BBS9: variants seen among roughly 807,000 people sequenced by gnomAD.
BBS9 encodes Bardet-Biedl syndrome 9.
In BBS9, 89 loss-of-function variants were observed where a neutral mutation model predicts 117.7. That is an observed-to-expected ratio of 0.76 (90% CI 0.64 to 0.90). BBS9 has a LOEUF of 0.90. Among genes scored for constraint, BBS9 ranks in the 40% least tolerant of loss-of-function variants. The probability of loss-of-function intolerance (pLI) is 0.00; values close to 1 mark genes in which losing one functional copy is unlikely to be tolerated. For synonymous variants in BBS9, 379 were observed against 370.9 expected (o/e 1.02, Z -0.25); for missense variants, 982 against 1,042.2 (o/e 0.94, Z 0.80).
At chr7:33,426,631 A>G (rs994262405) in intron 19 of BBS9, among the ~76,000 whole-genome samples, 2 of 152,110 alleles carry the variant, frequency 1.3e-5, no homozygotes, top group African/African-American at 4.8e-5. Flanking sequence ...TCACTAAGCC[A>G]CATTCGGTTG....
intron 19 of BBS9, among the ~76,000 whole-genome samples, chr7:33,491,118 A>G (rs920639362): frequency 3.3e-5 from 5 of 152,216 alleles, no homozygotes; most frequent in African/African-American, 9.6e-5. Flanking sequence ...ATTGGAGAGA[A>G]TGCCCCACAA....
At position 33,589,096 on chromosome 7, in the gene BBS9, A is replaced by G. The variant is rs560051661; in HGVS notation, c.2522-15769A>G. Among the ~76,000 whole-genome samples, 14 of 152,270 alleles carry G rather than the reference A, an allele frequency of 9.2e-5. No individual in the cohort carries two copies. In the East Asian group the frequency reaches 2.7e-3, roughly 29 times the overall value. ...AGGTAAAAATGGGCAGTCCAGTTTA[A>G]GGGTTACTCAGAGAAGCAATTTAGC... On this transcript the variant is annotated intron_variant, in intron 21 of 22. Transcript: ENST00000242067.
chr7:33,394,699 C>T lies in BBS9; in HGVS notation c.2115+6555C>T, dbSNP rs138037455. On this transcript the variant is annotated intron_variant, in intron 19 of 22. Coordinates refer to ENST00000242067, the MANE Select transcript of BBS9 (RefSeq NM_198428.3). ...TTTCAGTAGTTAGAAACCTAAATTT[C>T]CTCATTTGTAAAATTGGAATACTGC... Among the ~76,000 whole-genome samples the T allele has an allele frequency of 2.3e-3, 348 of 152,176 alleles. 1 individual carries two copies. The highest frequency in any genetic ancestry group is 4.2e-3 in the Non-Finnish European group (286 of 68,014).
At chr7:33,531,257 G>GA (rs1563314684) in intron 20 of BBS9, among the ~76,000 whole-genome samples, 9 of 151,854 alleles carry the variant, frequency 5.9e-5, no homozygotes, top group African/African-American at 1.2e-4. Flanking sequence ...ATAGAGAGAG[G>GA]GAGACAGAGA....
intron 5 of BBS9, among the ~76,000 whole-genome samples, chr7:33,192,306 G>GA (rs1215774929): frequency 1.3e-5 from 2 of 152,100 alleles, no homozygotes; most frequent in Non-Finnish European, 2.9e-5. Flanking sequence ...CTAGAAGACA[G>GA]AAAAAAATCT....
At position 33,478,584 on chromosome 7, in the gene BBS9, T is replaced by G. The variant is rs1226825097; in HGVS notation, c.2116-26879T>G. Among the ~76,000 whole-genome samples the G allele has an allele frequency of 3.3e-5, 5 of 152,236 alleles. No individual in the cohort carries two copies. The East Asian group carries it at 9.6e-4, about 29-fold the overall frequency. The stretch of plus-strand genomic sequence containing the variant: ...CAAAAAAGCACATTAAGTGTAATTT[T>G]ATTTCAGAATGAAAGGTGTTCTTAT... On this transcript the variant is annotated intron_variant, in intron 19 of 22. Transcript: ENST00000242067.
chr7:33,258,048 C>T (rs958817491), intron 6 of BBS9, among the ~76,000 whole-genome samples: 1 of 152,120 alleles, frequency 6.6e-6, no homozygotes, highest in African/African-American at 2.4e-5. Flanking sequence ...TTTTCTTCTC[C>T]ACCAGCTAGA....
chr7:33,261,643 G>A (rs1002300491), intron 6 of BBS9, among the ~76,000 whole-genome samples: 2 of 152,206 alleles, frequency 1.3e-5, no homozygotes, highest in African/African-American at 4.8e-5. Context: ...TTACTTTTGT[G>A]CTCTGTGATG....
intron 21 of BBS9, among the ~76,000 whole-genome samples, chr7:33,594,114 T>C (rs1357065846): frequency 6.6e-6 from 1 of 152,110 alleles, no homozygotes; most frequent in Non-Finnish European, 1.5e-5. Flanking sequence ...CTAAGGGACT[T>C]AGTGTTCAGC....
At chr7:33,540,145 A>G (rs960234325) in intron 21 of BBS9, among the ~76,000 whole-genome samples, 1 of 152,216 alleles carries the variant, frequency 6.6e-6, no homozygotes, top group Non-Finnish European at 1.5e-5. Flanking sequence ...AACTCTAACC[A>G]CATGTGCTAA....
At chr7:33,164,051 A>G (rs1184721578) in intron 4 of BBS9, among the ~76,000 whole-genome samples, 1 of 152,212 alleles carries the variant, frequency 6.6e-6, no homozygotes, top group East Asian at 1.9e-4. Context: ...CATTGGTTTC[A>G]AAGAACATCT....
In BBS9 at chr7:33,190,073, T is replaced by C. The variant is rs193151311; in HGVS notation, c.442+12482T>C. ...CATCTTAAACTTATTTGCTTTCCTT[T>C]AAAAAATTTCTTTTCTTGATTATAG... On this transcript the variant is annotated intron_variant, in intron 5 of 22. Coordinates refer to ENST00000242067, the MANE Select transcript of BBS9 (RefSeq NM_198428.3). Among the ~76,000 whole-genome samples the C allele has an allele frequency of 6.2e-3, 938 of 151,530 alleles. 13 individuals carry two copies. Among genetic ancestry groups the C allele is most frequent in the African/African-American group, 0.021 (886 of 41,308 alleles).
intron 19 of BBS9, among the ~76,000 whole-genome samples, chr7:33,456,761 C>T (rs549087461): frequency 6.6e-6 from 1 of 152,248 alleles, no homozygotes; most frequent in African/African-American, 2.4e-5. Flanking sequence ...ACATCTCTTA[C>T]AGAGTGTCAG....
chr7:33,335,426 A>G (rs962756097), intron 9 of BBS9, among the ~76,000 whole-genome samples: 6 of 152,278 alleles, frequency 3.9e-5, no homozygotes, highest in African/African-American at 1.4e-4. Context: ...AAAAAATCAA[A>G]AGTTTCTGTA....
intron 20 of BBS9, among the ~76,000 whole-genome samples, chr7:33,528,491 A>T (rs1850027375): frequency 6.6e-6 from 1 of 152,142 alleles, no homozygotes; most frequent in Non-Finnish European, 1.5e-5. Context: ...GGTTTGTAGG[A>T]GTTTATAATT....
At chr7:33,349,384 C>G in intron 13 of BBS9, 1 of 574,640 alleles carries the variant, frequency 1.7e-6, no homozygotes, top group Non-Finnish European at 3.3e-6. Context: ...TTTACGATTA[C>G]AGATTTCTAG....
chr7:33,182,436 A>G (rs1798224681), intron 5 of BBS9, among the ~76,000 whole-genome samples: 1 of 152,204 alleles, frequency 6.6e-6, no homozygotes, highest in Non-Finnish European at 1.5e-5. Flanking sequence ...CTTACTTAAA[A>G]TCTAACGGCT....
intron 20 of BBS9, among the ~76,000 whole-genome samples, chr7:33,513,823 C>T (rs1054938398): frequency 6.6e-6 from 1 of 152,174 alleles, no homozygotes; most frequent in Non-Finnish European, 1.5e-5. Flanking sequence ...GTACACTTCA[C>T]CTATATTGAT....
chr7:33,617,244 A>C (rs1424091962), intron 21 of BBS9, among the ~76,000 whole-genome samples: 1 of 152,138 alleles, frequency 6.6e-6, no homozygotes. Flanking sequence ...CGAGAAATTC[A>C]TTTTAAATAT....
Sources: gnomAD v4.1 joint callset for allele counts (sites outside exome capture counted in the v4.1 genomes callset) on GRCh38, gnomAD v4.1.1 for gene constraint, MANE v1.5 for transcripts, NCBI Gene and HGNC (gene_info 2026-07-23, HGNC 2026-07-21) for gene names.